PCDHA11: variants seen among roughly 807,000 people sequenced by gnomAD.
The protein encoded by PCDHA11 is protocadherin alpha 11.
Under a neutral mutation model 70.3 loss-of-function variants are expected in PCDHA11, and 61 were observed. That is an observed-to-expected ratio of 0.87 (90% CI 0.71 to 1.07). The LOEUF (loss-of-function observed/expected upper bound fraction) is 1.07. Among genes scored for constraint, PCDHA11 ranks in the 50% least tolerant of loss-of-function variants. The probability of loss-of-function intolerance (pLI) is 0.00; values close to 1 mark genes in which losing one functional copy is unlikely to be tolerated. For synonymous variants in PCDHA11, 633 were observed against 555.1 expected (o/e 1.14, Z -1.97); for missense variants, 1,324 against 1,237.5 (o/e 1.07, Z -1.05).
intron 1 of PCDHA11, chr5:140,884,234 G>T (rs375170723): frequency 3.7e-6 from 6 of 1,613,500 alleles, no homozygotes; most frequent in Non-Finnish European, 4.2e-6. Context: ...GGACCACGGT[G>T]AGCCCGCGCT....
chr5:140,940,509 C>T lies in PCDHA11; in HGVS notation c.2392-38440C>T, dbSNP rs556405860. ...GACAAGTCTTGCTCCGTCGCTCAGG[C>T]GTGATCATAGCTCACTGCAATCTTG... On this transcript the variant is annotated intron_variant, in intron 1 of 3. Coordinates refer to ENST00000398640, the MANE Select transcript of PCDHA11 (RefSeq NM_018902.5). 2.0e-5 allele frequency among the ~76,000 whole-genome samples: 3 copies of T among 152,086 alleles called. No individual in the cohort carries two copies. In the South Asian group the frequency reaches 6.2e-4, roughly 32 times the overall value.
chr5:140,918,925 T>C (rs2078925990), intron 1 of PCDHA11, among the ~76,000 whole-genome samples: 1 of 152,238 alleles, frequency 6.6e-6, no homozygotes, highest in Non-Finnish European at 1.5e-5. Context: ...ACACAGCATA[T>C]GGCATTTTGT....
chr5:140,980,057 C>T (rs559895684), intron 2 of PCDHA11, among the ~76,000 whole-genome samples: 2 of 152,272 alleles, frequency 1.3e-5, no homozygotes, highest in East Asian at 3.9e-4. Context: ...GATTCAGAAG[C>T]AATCAGTGAA....
intron 1 of PCDHA11, chr5:140,882,941 A>G (rs2059372388): frequency 6.2e-7 from 1 of 1,614,128 alleles, no homozygotes; most frequent in African/African-American, 1.3e-5. Context: ...GCTGACTGGC[A>G]CAGTTCAGCT....
rs375771604 is a variant in PCDHA11, at chr5:140,876,994, G to A, written c.2391+5500G>A. ...GGGCGAGCACGCACTGTCGAGCTAC[G>A]TGTCGGTGCACGCGGAGAGCGGCAA... On this transcript the variant is annotated intron_variant, in intron 1 of 3. Transcript: ENST00000398640. The A allele has an allele frequency of 5.6e-6, 9 of 1,612,502 alleles. No individual in the cohort carries two copies. The highest frequency in any genetic ancestry group is 5.0e-5 in the Admixed American group (3 of 59,998).
intron 1 of PCDHA11, chr5:140,927,680 G>T: frequency 6.2e-7 from 1 of 1,614,140 alleles, no homozygotes; most frequent in Non-Finnish European, 8.5e-7. Context: ...CCAGATGAAG[G>T]GTCCAATGGG....
chr5:140,980,857 T>C (rs2153822974), intron 2 of PCDHA11, among the ~76,000 whole-genome samples: 1 of 152,334 alleles, frequency 6.6e-6, no homozygotes. Flanking sequence ...ATCTTTTTCG[T>C]ATGTGTGCTT....
At chr5:140,963,303 G>A (rs2153735006) in intron 1 of PCDHA11, among the ~76,000 whole-genome samples, 1 of 152,286 alleles carries the variant, frequency 6.6e-6, no homozygotes, top group South Asian at 2.1e-4. Flanking sequence ...GAGAAAATAA[G>A]AAGCTGTTTG....
chr5:141,003,445 G>A (rs2098125256), intron 3 of PCDHA11, among the ~76,000 whole-genome samples: 1 of 152,112 alleles, frequency 6.6e-6, no homozygotes, highest in African/African-American at 2.4e-5. Flanking sequence ...CCAAGTAGAT[G>A]AAATTACAGG....
chr5:140,916,721 T>G (rs2077698319), intron 1 of PCDHA11, among the ~76,000 whole-genome samples: 1 of 152,186 alleles, frequency 6.6e-6, no homozygotes, highest in Non-Finnish European at 1.5e-5. Context: ...AAGGAGTGAC[T>G]TTTGTTGCTG....
intron 1 of PCDHA11, among the ~76,000 whole-genome samples, chr5:140,930,790 A>G (rs155822): frequency 0.047 from 7,177 of 152,302 alleles, 299 homozygotes; most frequent in African/African-American, 0.11. Context: ...ACAATATAAT[A>G]GAATCCAGCA....
chr5:140,934,587 T>C (rs1316719317), intron 1 of PCDHA11, among the ~76,000 whole-genome samples: 1 of 152,176 alleles, frequency 6.6e-6, no homozygotes, highest in Non-Finnish European at 1.5e-5. Flanking sequence ...ATTTCTGTAA[T>C]GGGTCTTCAA....
chr5:140,902,703 T>C (rs1451324920), intron 1 of PCDHA11, among the ~76,000 whole-genome samples: 1 of 152,166 alleles, frequency 6.6e-6, no homozygotes, highest in African/African-American at 2.4e-5. Flanking sequence ...GTCTTTTATC[T>C]TTCACTCCCC....
intron 3 of PCDHA11, among the ~76,000 whole-genome samples, chr5:140,985,922 G>A (rs1361292887): frequency 6.6e-6 from 1 of 151,826 alleles, no homozygotes; most frequent in African/African-American, 2.4e-5. Flanking sequence ...TGTATTTTTA[G>A]TAGAGCCGGG....
At chr5:140,978,782 A>C (rs782295456) in intron 1 of PCDHA11, 167 bp from the exon 2 acceptor site, 1 of 971,546 alleles carries the variant, frequency 1.0e-6, no homozygotes, top group African/African-American at 1.8e-5. Flanking sequence ...TTTTCTTCTA[A>C]AGTGCTATAT....
intron 1 of PCDHA11, among the ~76,000 whole-genome samples, chr5:140,886,827 GAAAAAAAAAA>G (rs782016620): frequency 1.6e-5 from 1 of 60,890 alleles, no homozygotes; most frequent in East Asian, 5.7e-4. Flanking sequence ...ACTTCGTCTT[GAAAAAAAAAA>G]AAAAAAAAAA....
At chr5:140,973,959 G>A (rs782474164) in intron 1 of PCDHA11, among the ~76,000 whole-genome samples, 2 of 152,198 alleles carry the variant, frequency 1.3e-5, no homozygotes, top group Admixed American at 6.5e-5. Flanking sequence ...TTTTACAGGT[G>A]TCTTTAAATG....
intron 1 of PCDHA11, among the ~76,000 whole-genome samples, chr5:140,960,799 A>C (rs2095571237): frequency 6.6e-6 from 1 of 152,170 alleles, no homozygotes; most frequent in Non-Finnish European, 1.5e-5. Flanking sequence ...TTTCTATTAA[A>C]ATAAGAGGTC....
chr5:140,876,356 T>C, intron 1 of PCDHA11: 1 of 1,613,964 alleles, frequency 6.2e-7, no homozygotes. Flanking sequence ...ATGTTTTCAA[T>C]AAATCCAGAC....
Sources: allele counts gnomAD v4.1 joint callset (sites outside exome capture counted in the v4.1 genomes callset), GRCh38; gene constraint gnomAD v4.1.1; transcripts MANE v1.5; gene names NCBI Gene and HGNC (gene_info 2026-07-23, HGNC 2026-07-21).